LENG1: variants seen among roughly 807,000 people sequenced by gnomAD.
LENG1 encodes the protein leukocyte receptor cluster member 1.
LENG1 carries 35 observed loss-of-function variants against 28.8 expected under a neutral mutation model. The observed-to-expected ratio is 1.22, with a 90% confidence interval of 0.93 to 1.61. LENG1 has a LOEUF of 1.61. Ranked by LOEUF, LENG1 falls within the 40% of genes most tolerant of loss-of-function variation. The pLI is 0.00. For missense variants in LENG1, 404 were observed against 348.9 expected (o/e 1.16, Z -1.26); for synonymous variants, 170 against 140.6 (o/e 1.21, Z -1.48).
In LENG1 at chr19:54,156,833, G is replaced by A; in HGVS notation, c.505C>T (p.Gln169Ter). 6.2e-7 allele frequency: 1 copy of A among 1,612,922 alleles called. No homozygotes were observed. Among genetic ancestry groups the A allele is most frequent in the Non-Finnish European group, 8.5e-7 (1 of 1,179,330 alleles). Residue 169 changes from glutamine (Q) to a stop codon, truncating the protein, a stop_gained, in exon 3 of 4, where the codon CAG becomes TAG. Transcript: ENST00000222224. LOFTEE classifies it high-confidence loss of function. Reference protein sequence around the residue: ...EMQKHLGKKRQHGGDEGSRSR... With the variant: ...EMQKHLGKKR ...CGACTGCCTTCATCACCGCCGTGCTGTCTCTTCTTCCCCAGATGCTTCTGC... is the reference window on the plus strand; with the variant it reads ...CGACTGCCTTCATCACCGCCGTGCTATCTCTTCTTCCCCAGATGCTTCTGC...
At chr19:54,159,413 C>A (rs1011931201) in intron 1 of LENG1, 151 bp downstream of exon 1, 2 of 815,938 alleles carry the variant, frequency 2.5e-6, no homozygotes, top group South Asian at 3.7e-5. Flanking sequence ...ACAAGGTTTG[C>A]GGGGCAACGT....
Position 54,156,808 on chromosome 19 carries a change from C to T in LENG1, c.530G>A (p.Arg177His), listed in dbSNP as rs377766733. Residue 177 changes from arginine to histidine, a missense_variant, in exon 3 of 4, where the codon CGC becomes CAC. Physicochemically the swap from Arg to His is conservative, Grantham distance 29 (BLOSUM62 0). Coordinates refer to ENST00000222224, the MANE Select transcript of LENG1 (RefSeq NM_024316.3). ...AGACCCCTCCTTTTCCTTTCTGCTG[C>T]GACTGCCTTCATCACCGCCGTGCTG... ...KRQHGGDEGSRSRKEKEGSEK... is the reference protein window; with the variant it reads ...KRQHGGDEGSHSRKEKEGSEK... 129 of 1,613,904 alleles carry T rather than the reference C, an allele frequency of 8.0e-5. No homozygotes were observed. The highest frequency in any genetic ancestry group is 3.7e-4 in the South Asian group (34 of 91,034).
At chr19:54,158,606 C>T (rs1468308085) in intron 1 of LENG1, 145 bp from the exon 2 acceptor site, 8 of 701,566 alleles carry the variant, frequency 1.1e-5, no homozygotes, top group Non-Finnish European at 1.9e-5. Context: ...GGCACCTGTC[C>T]TAGCTGGGGG....
At chr19:54,158,496 C>G in intron 1 of LENG1, 35 bp from the exon 2 acceptor site, 2 of 1,589,370 alleles carry the variant, frequency 1.3e-6, no homozygotes, top group Non-Finnish European at 1.7e-6. Flanking sequence ...CATTCAGAAC[C>G]TAGAGGTAAT....
chr19:54,156,176 A>G (rs2075382811), intron 3 of LENG1, among the ~76,000 whole-genome samples: 1 of 152,176 alleles, frequency 6.6e-6, no homozygotes, highest in African/African-American at 2.4e-5. Flanking sequence ...ATGCTTCTCC[A>G]GGTCAAGAAA....
rs773528344 is a variant in LENG1 at position 54,155,868 on chromosome 19, G to T, written c.648C>A (p.Ala216=). ...REAAERSRAE[A]LLARVQGRAL... ...CCCGGCCTTGGACCCGGGCCAGCAG[G>T]GCCTCTGCCCGAGACCTCTCAGCTG... The change falls in exon 4 of 4, where the codon GCC becomes GCA. Residue 216 remains alanine, a synonymous_variant. Transcript: ENST00000222224. The T allele has an allele frequency of 2.5e-5, 40 of 1,612,802 alleles. No homozygotes were observed. The highest frequency in any genetic ancestry group is 3.1e-5 in the Non-Finnish European group (36 of 1,179,854).
chr19:54,156,759 T>C lies in LENG1; in HGVS notation c.575+4A>G. Reference sequence around the variant, plus strand: ...CCTGGTCTGCCGAGGTGGGGTCTTCTTACTCCTTGGGTCGCTGCTTCTCAG... The same window carrying C: ...CCTGGTCTGCCGAGGTGGGGTCTTCCTACTCCTTGGGTCGCTGCTTCTCAG... On this transcript the variant is annotated splice_donor_region_variant and intron_variant, in intron 3 of 3. Transcript: ENST00000222224. 1 of 1,607,244 alleles carries C rather than the reference T, an allele frequency of 6.2e-7. No homozygotes were observed.
In LENG1 at chr19:54,156,945, G is replaced by T. The variant is rs771266866; in HGVS notation, c.393C>A (p.Tyr131Ter). The T allele has an allele frequency of 3.1e-6, 5 of 1,612,218 alleles. No individual in the cohort carries two copies. Among genetic ancestry groups the T allele is most frequent in the East Asian group, 2.2e-5 (1 of 44,844 alleles). ...GGCCCCCTCGCCCTGGGGGTAGCTG[G>T]TACCAAGGGGGTTGAGTCTGTGCCT... is the stretch of plus-strand genomic sequence containing the variant. ...AAEAQTQPPW[Y>*]QLPPGRGGPP... Residue 131 changes from tyrosine (Y) to a stop codon, truncating the protein, a stop_gained, in exon 3 of 4, where the codon TAC (tyrosine) becomes TAA (stop). Coordinates refer to ENST00000222224, the MANE Select transcript of LENG1 (RefSeq NM_024316.3). LOFTEE classifies it high-confidence loss of function.
chr19:54,159,428 G>C (rs558271023), intron 1 of LENG1, 136 bp downstream of exon 1: 1 of 950,284 alleles, frequency 1.1e-6, no homozygotes, highest in African/African-American at 1.7e-5. Context: ...CAACGTCCTC[G>C]AAAGTGGGAT....
In LENG1 at chr19:54,155,539, G is replaced by A; in HGVS notation, c.*182C>T. On this transcript the variant is annotated 3_prime_UTR_variant, in exon 4 of 4. Transcript: ENST00000222224. Reference sequence around the variant, plus strand: ...TCCCCCTCTCCCAGGAAGCAGGGAGGGGGCCGGGAGGTTTTCCTCTCAGCC... The same window carrying A: ...TCCCCCTCTCCCAGGAAGCAGGGAGAGGGCCGGGAGGTTTTCCTCTCAGCC... The A allele has an allele frequency of 1.1e-6, 1 of 902,258 alleles. No individual in the cohort carries two copies. The highest frequency in any genetic ancestry group is 1.7e-5 in the South Asian group (1 of 58,048). The allele number at this position is 902,258 out of a possible 1,614,324, so 55.9% of individuals were successfully genotyped here. A position where few individuals can be genotyped will look rare whatever the true frequency, so the allele number is the denominator to read the frequency against.
rs746834192 is a variant in LENG1, at chr19:54,159,640, C to T, written c.56G>A (p.Arg19His). The change falls in exon 1 of 4, where the codon CGC becomes CAC. Residue 19 changes from arginine to histidine, a missense_variant. Coordinates refer to ENST00000222224, the MANE Select transcript of LENG1 (RefSeq NM_024316.3). ...WHVRNKDNVA[R>H]VRRDEAQARE... ...GGCCTGGGCCTCGTCACGCCGCACG[C>T]GGGCGACATTGTCCTTGTTCCGGAC... 221 of 1,613,026 alleles carry T rather than the reference C, an allele frequency of 1.4e-4. No individual in the cohort carries two copies. Among genetic ancestry groups the T allele is most frequent in the Non-Finnish European group, 1.8e-4 (214 of 1,179,706 alleles).
chr19:54,158,629 G>C (rs1311878810), intron 1 of LENG1, among the ~76,000 whole-genome samples, 168 bp from the exon 2 acceptor site: 4 of 152,244 alleles, frequency 2.6e-5, no homozygotes, highest in African/African-American at 9.6e-5. Context: ...AGGGTAGGCA[G>C]ATGAGGCAAC....
chr19:54,159,706 C>T lies in LENG1; in HGVS notation c.-11G>A, dbSNP rs947084970. ...GGGCAAGATATTCATGGCGTCGTAG[C>T]TGTCCAGGGACTGGCACGCCCGCCT... On this transcript the variant is annotated 5_prime_UTR_variant, in exon 1 of 4. Transcript: ENST00000222224. 2 of 1,593,488 alleles carry T rather than the reference C, an allele frequency of 1.3e-6. No individual in the cohort carries two copies. The highest frequency in any genetic ancestry group is 8.5e-7 in the Non-Finnish European group (1 of 1,170,640).
rs761094429 is a variant in LENG1, at chr19:54,158,376, G to A, written c.218C>T (p.Ser73Phe). 8 of 1,614,198 alleles carry A rather than the reference G, an allele frequency of 5.0e-6. No homozygotes were observed. Among genetic ancestry groups the A allele is most frequent in the Non-Finnish European group, 4.2e-6 (5 of 1,180,040 alleles). ...LEAAEAGAPG[S>F]GPVDLFRELL... ...CTCCCGAAACAGGTCCACAGGGCCA[G>A]AACCTGGGGCTCCCGCCTCTGCTGC... Residue 73 changes from serine (S) to phenylalanine (F), a missense_variant, in exon 2 of 4, where the codon TCT (serine) becomes TTT (phenylalanine). Coordinates refer to ENST00000222224, the MANE Select transcript of LENG1 (RefSeq NM_024316.3).
At position 54,156,788 on chromosome 19, in the gene LENG1, C is replaced by T. The variant is rs199661874; in HGVS notation, c.550G>A (p.Gly184Arg). The T allele has an allele frequency of 5.6e-6, 9 of 1,613,670 alleles. No individual in the cohort carries two copies. The highest frequency in any genetic ancestry group is 7.6e-6 in the Non-Finnish European group (9 of 1,179,744). ...EGSRSRKEKE[G>R]SEKQRPKEPP... ...TCCTTGGGTCGCTGCTTCTCAGACC[C>T]CTCCTTTTCCTTTCTGCTGCGACTG... is the stretch of plus-strand genomic sequence containing the variant. Residue 184 changes from glycine (G) to arginine (R), a missense_variant, in exon 3 of 4, where the codon GGG (glycine) becomes AGG (arginine). Physicochemically the swap from Gly to Arg is moderately radical, Grantham distance 125. Transcript: ENST00000222224.
chr19:54,156,056 C>T (rs1486181632), intron 3 of LENG1, 116 bp from the exon 4 acceptor site: 6 of 903,314 alleles, frequency 6.6e-6, no homozygotes, highest in Non-Finnish European at 6.6e-6. Context: ...CACACCCCAG[C>T]CTCAGCTCCT....
At chr19:54,156,626 G>A in intron 3 of LENG1, 137 bp downstream of exon 3, 1 of 913,934 alleles carries the variant, frequency 1.1e-6, no homozygotes, top group South Asian at 1.9e-5. Context: ...ACCACATGCT[G>A]AGAACCACTT....
At position 54,155,874 on chromosome 19, in the gene LENG1, TG is replaced by T. The variant is rs2075372996; in HGVS notation, c.641del (p.Ala214GlufsTer54). 1 of 1,612,820 alleles carries T rather than the reference TG, an allele frequency of 6.2e-7. No individual in the cohort carries two copies. The highest frequency in any genetic ancestry group is 1.3e-5 in the African/African-American group (1 of 74,932). The stretch of plus-strand genomic sequence containing the variant: ...CTTGGACCCGGGCCAGCAGGGCCTC[TG>T]CCCGAGACCTCTCAGCTGCTTCCCT... ...LRREAAERSR[A>X]EALLARVQGR... On this transcript the variant is annotated frameshift_variant, in exon 4 of 4. Transcript: ENST00000222224. LOFTEE classifies it high-confidence loss of function.
chr19:54,157,700 CA>C (rs1346910791), intron 2 of LENG1, among the ~76,000 whole-genome samples: 1 of 150,506 alleles, frequency 6.6e-6, no homozygotes, highest in African/African-American at 2.5e-5. Context: ...TGATCTTAGC[CA>C]AAAAGCAAGA....
Sources: allele counts gnomAD v4.1 joint callset (sites outside exome capture counted in the v4.1 genomes callset), GRCh38; gene constraint gnomAD v4.1.1; transcripts MANE v1.5; gene names NCBI Gene and HGNC (gene_info 2026-07-23, HGNC 2026-07-21).